Variants in SLC9A9 observed in about 807,000 individuals in gnomAD.
SLC9A9 encodes the protein sodium/hydrogen exchanger 9.
SLC9A9 carries 62 observed loss-of-function variants against 77.8 expected under a neutral mutation model. The observed-to-expected ratio is 0.80, with a 90% CI of 0.65 to 0.98. The LOEUF (loss-of-function observed/expected upper bound fraction) is 0.98. Among genes scored for constraint, SLC9A9 ranks in the 50% least tolerant of loss-of-function variants. SLC9A9 has a pLI of 0.00. For synonymous variants in SLC9A9, 320 were observed against 283.5 expected (o/e 1.13, Z -1.29); for missense variants, 775 against 774.9 (o/e 1.00, Z 0.00).
chr3:143,766,822 C>G (rs796295395), intron 4 of SLC9A9, among the ~76,000 whole-genome samples: 7 of 152,326 alleles, frequency 4.6e-5, no homozygotes, highest in African/African-American at 1.7e-4. Flanking sequence ...AATCTGCCTG[C>G]CTTGGCCTCC....
At position 143,268,909 on chromosome 3, in the gene SLC9A9, A is replaced by G. The variant is rs377155087; in HGVS notation, c.1676T>C (p.Ile559Thr). 30 of 1,613,820 alleles carry G rather than the reference A, an allele frequency of 1.9e-5. No homozygotes were observed. The highest frequency in any genetic ancestry group is 2.5e-5 in the Non-Finnish European group (30 of 1,179,836). The change falls in exon 15 of 16, where the codon ATT becomes ACT. Residue 559 changes from isoleucine to threonine, a missense_variant. Ile to Thr is a moderately conservative substitution (Grantham distance 89). Coordinates refer to ENST00000316549, the MANE Select transcript of SLC9A9 (RefSeq NM_173653.4). ...TTGAGGACTGGTAAGCAGCCTGGAA[A>G]TCGGACCACACCATTCAGGTAATGT... is the stretch of plus-strand genomic sequence containing the variant. ...TTTLPEWCGP[I>T]SRLLTSPQAY...
At chr3:143,389,556 A>C (rs886256772) in intron 12 of SLC9A9, among the ~76,000 whole-genome samples, 5 of 152,236 alleles carry the variant, frequency 3.3e-5, no homozygotes, top group African/African-American at 1.2e-4. Flanking sequence ...CCCAAGGGAC[A>C]TCCTGTTAAA....
intron 9 of SLC9A9, among the ~76,000 whole-genome samples, chr3:143,530,883 C>T (rs1052236455): frequency 1.3e-5 from 2 of 152,120 alleles, no homozygotes; most frequent in East Asian, 1.9e-4. Context: ...GTCAACTTAC[C>T]TCCTTTTAGC....
At chr3:143,324,067 C>T (rs1006539813) in intron 14 of SLC9A9, among the ~76,000 whole-genome samples, 4 of 151,990 alleles carry the variant, frequency 2.6e-5, no homozygotes, top group Non-Finnish European at 5.9e-5. Flanking sequence ...GTGGAAGTTA[C>T]GTCCCCCTGA....
chr3:143,505,898 C>T (rs2036007353), intron 9 of SLC9A9, among the ~76,000 whole-genome samples: 1 of 152,122 alleles, frequency 6.6e-6, no homozygotes, highest in Non-Finnish European at 1.5e-5. Context: ...AGGCCATTTT[C>T]TCTGAATTTG....
chr3:143,453,208 G>T (rs1370452160), intron 12 of SLC9A9, among the ~76,000 whole-genome samples: 1 of 151,976 alleles, frequency 6.6e-6, no homozygotes, highest in African/African-American at 2.4e-5. Context: ...CTAGAAAGGT[G>T]ACAGAAGACA....
intron 4 of SLC9A9, among the ~76,000 whole-genome samples, chr3:143,730,829 T>A (rs1190218133): frequency 2.0e-5 from 3 of 151,972 alleles, no homozygotes; most frequent in Non-Finnish European, 2.9e-5. Context: ...CCCACACCAC[T>A]ACTAAGTTTT....
intron 12 of SLC9A9, among the ~76,000 whole-genome samples, chr3:143,450,865 A>G (rs1263045105): frequency 3.3e-5 from 5 of 152,226 alleles, no homozygotes; most frequent in Admixed American, 6.5e-5. Context: ...ACATGGGCTC[A>G]GCCAACCCAC....
chr3:143,735,645 T>C (rs536492183), intron 4 of SLC9A9, among the ~76,000 whole-genome samples: 3 of 152,260 alleles, frequency 2.0e-5, no homozygotes, highest in Non-Finnish European at 2.9e-5. Context: ...ATTCAAACCA[T>C]AGGCTTCCTT....
At chr3:143,674,448 T>G (rs1446747100) in intron 5 of SLC9A9, among the ~76,000 whole-genome samples, 2 of 152,180 alleles carry the variant, frequency 1.3e-5, no homozygotes, top group Non-Finnish European at 1.5e-5. Context: ...GCAGGCAATT[T>G]CACAGGGCCT....
intron 5 of SLC9A9, among the ~76,000 whole-genome samples, chr3:143,674,161 T>C (rs1289324130): frequency 6.6e-6 from 1 of 152,204 alleles, no homozygotes; most frequent in East Asian, 1.9e-4. Context: ...AAATGGAAGG[T>C]ACTTTCTGTT....
At chr3:143,435,026 G>A (rs974438012) in intron 12 of SLC9A9, among the ~76,000 whole-genome samples, 2 of 152,058 alleles carry the variant, frequency 1.3e-5, no homozygotes, top group African/African-American at 2.4e-5. Flanking sequence ...CTCACGCCCC[G>A]CCGTCATCAA....
At position 143,418,290 on chromosome 3, in the gene SLC9A9, G is replaced by A. The variant is rs915387412; in HGVS notation, c.1470-36176C>T. On this transcript the variant is annotated intron_variant, in intron 12 of 15. Coordinates refer to ENST00000316549, the MANE Select transcript of SLC9A9 (RefSeq NM_173653.4). The stretch of plus-strand genomic sequence containing the variant: ...GCCTTAGTTTTCTTATTTGTAATGT[G>A]GGGACAGTAATATTATCTTTTTAGC... Among the ~76,000 whole-genome samples the A allele has an allele frequency of 2.0e-5, 3 of 151,156 alleles. No individual in the cohort carries two copies. In the East Asian group the frequency reaches 5.9e-4, roughly 29 times the overall value.
At chr3:143,802,121 C>G (rs2008579240) in intron 2 of SLC9A9, among the ~76,000 whole-genome samples, 1 of 152,174 alleles carries the variant, frequency 6.6e-6, no homozygotes, top group Non-Finnish European at 1.5e-5. Context: ...CGGTCACTTC[C>G]ACCTACTCCC....
At chr3:143,319,109 C>T (rs2031325119) in intron 14 of SLC9A9, among the ~76,000 whole-genome samples, 1 of 152,170 alleles carries the variant, frequency 6.6e-6, no homozygotes, top group South Asian at 2.1e-4. Context: ...GCAGCTAATA[C>T]AATAAATATG....
intron 6 of SLC9A9, among the ~76,000 whole-genome samples, chr3:143,606,406 C>CTT (rs1468593894): frequency 3.6e-4 from 13 of 35,906 alleles, no homozygotes; most frequent in African/African-American, 1.2e-3. Flanking sequence ...GTGAATCTCT[C>CTT]TCTCTCTCTC....
intron 12 of SLC9A9, among the ~76,000 whole-genome samples, chr3:143,423,001 T>C (rs2034327242): frequency 6.6e-6 from 1 of 152,182 alleles, no homozygotes; most frequent in African/African-American, 2.4e-5. Context: ...GACTTTTTCC[T>C]TGAGCCTCCT....
intron 6 of SLC9A9, among the ~76,000 whole-genome samples, chr3:143,591,613 A>G (rs2037646157): frequency 6.6e-6 from 1 of 152,234 alleles, no homozygotes. Flanking sequence ...TACTAACTCA[A>G]GCAATTAATA....
Position 143,564,802 on chromosome 3 carries a change from T to C in SLC9A9, c.1000+9286A>G, listed in dbSNP as rs148367723. Among the ~76,000 whole-genome samples, 964 of 152,308 alleles carry C rather than the reference T, an allele frequency of 6.3e-3. 4 individuals are homozygous for C. Among genetic ancestry groups the C allele is most frequent in the South Asian group, 0.017 (80 of 4,824 alleles). ...TCCTCCAATGCTGAGTATATAGATA[T>C]GCACTTAAGTGTTACTTCAAATCTA... On this transcript the variant is annotated intron_variant, in intron 8 of 15. Coordinates refer to ENST00000316549, the MANE Select transcript of SLC9A9 (RefSeq NM_173653.4).
Sources: allele counts gnomAD v4.1 joint callset (sites outside exome capture counted in the v4.1 genomes callset), GRCh38; gene constraint gnomAD v4.1.1; transcripts MANE v1.5; gene names NCBI Gene and HGNC (gene_info 2026-07-23, HGNC 2026-07-21).